Variants in LIPI observed in about 807,000 individuals in gnomAD.
LIPI encodes the protein lipase member I.
Under a neutral mutation model 50.6 loss-of-function variants are expected in LIPI, and 59 were observed. That is an observed-to-expected ratio of 1.16 (90% CI 0.94 to 1.45). The LOEUF (loss-of-function observed/expected upper bound fraction) is 1.45, where lower values mean the gene tolerates loss of function less well. Among genes scored for constraint, LIPI ranks in the 40% most tolerant of loss-of-function variants. LIPI has a pLI of 0.00. For synonymous variants in LIPI, 203 were observed against 178.2 expected (o/e 1.14, Z -1.11); for missense variants, 586 against 536.3 (o/e 1.09, Z -0.92).
At chr21:14,161,032 A>G (rs1380223451) in intron 7 of LIPI, among the ~76,000 whole-genome samples, 2 of 151,350 alleles carry the variant, frequency 1.3e-5, no homozygotes, top group African/African-American at 4.8e-5. Context: ...GGGATAATGT[A>G]AAGTGGTACA....
At position 14,183,717 on chromosome 21, in the gene LIPI, A is replaced by C. The variant is rs566276604; in HGVS notation, c.542-1858T>G. Among the ~76,000 whole-genome samples, 429 of 152,330 alleles carry C rather than the reference A, an allele frequency of 2.8e-3. 3 individuals are homozygous for C. The highest frequency in any genetic ancestry group is 1.0e-2 in the African/African-American group (415 of 41,580). ...AGACACCTATGCAGCCAAAAAACAC[A>C]TGAAAAAATGCTCATCATCACTGGC... On this transcript the variant is annotated intron_variant, in intron 3 of 9. Coordinates refer to ENST00000681601, the MANE Select transcript of LIPI (RefSeq NM_001302998.2).
chr21:14,131,306 G>A (rs1384481940), intron 9 of LIPI, among the ~76,000 whole-genome samples: 4 of 151,916 alleles, frequency 2.6e-5, no homozygotes, highest in African/African-American at 9.7e-5. Flanking sequence ...GCTGTTCTGG[G>A]GCCTAAAAAC....
At chr21:14,114,667 C>A (rs767559342) in intron 9 of LIPI, among the ~76,000 whole-genome samples, 1 of 152,108 alleles carries the variant, frequency 6.6e-6, no homozygotes, top group Non-Finnish European at 1.5e-5. Flanking sequence ...ATAAGGTTGG[C>A]GGTCTTTGGT....
intron 1 of LIPI, among the ~76,000 whole-genome samples, chr21:14,197,333 CTT>C (rs1286387924): frequency 1.3e-5 from 2 of 151,934 alleles, no homozygotes; most frequent in African/African-American, 4.8e-5. Context: ...AATATTCTAA[CTT>C]AGCATTAAGA....
chr21:14,168,325 C>T (rs138747116), intron 4 of LIPI, among the ~76,000 whole-genome samples: 2,322 of 152,200 alleles, frequency 0.015, 54 homozygotes, highest in African/African-American at 0.051. Flanking sequence ...CCCAATCTAG[C>T]GAGGAAGGCC....
intron 2 of LIPI, among the ~76,000 whole-genome samples, chr21:14,187,261 T>C (rs951995000): frequency 1.3e-5 from 2 of 152,180 alleles, no homozygotes; most frequent in South Asian, 4.1e-4. Flanking sequence ...CACCACACTC[T>C]TGGGGAGCTA....
At chr21:14,126,086 A>G (rs2017054243) in intron 9 of LIPI, among the ~76,000 whole-genome samples, 1 of 152,166 alleles carries the variant, frequency 6.6e-6, no homozygotes, top group Admixed American at 6.5e-5. Context: ...TGGAGCTCTT[A>G]CATTTTGCTG....
At chr21:14,121,650 G>A (rs544312030) in intron 9 of LIPI, among the ~76,000 whole-genome samples, 12 of 152,170 alleles carry the variant, frequency 7.9e-5, no homozygotes, top group African/African-American at 2.4e-4. Flanking sequence ...TACCACCCTC[G>A]GGCCCTTATG....
At chr21:14,185,724 A>T (rs1390153736) in intron 3 of LIPI, among the ~76,000 whole-genome samples, 1 of 152,044 alleles carries the variant, frequency 6.6e-6, no homozygotes, top group Non-Finnish European at 1.5e-5. Context: ...CTTAAAAAAA[A>T]CAAAAATTAG....
At chr21:14,122,527 A>G (rs1348000680) in intron 9 of LIPI, among the ~76,000 whole-genome samples, 1 of 152,198 alleles carries the variant, frequency 6.6e-6, no homozygotes, top group African/African-American at 2.4e-5. Context: ...CAGCAACCTA[A>G]TCCAGGAGAA....
At chr21:14,183,233 C>T (rs2019336243) in intron 3 of LIPI, among the ~76,000 whole-genome samples, 1 of 152,104 alleles carries the variant, frequency 6.6e-6, no homozygotes, top group South Asian at 2.1e-4. Context: ...GAAAGGATTC[C>T]CTATTTAATA....
At chr21:14,170,978 C>T (rs981529992) in intron 4 of LIPI, among the ~76,000 whole-genome samples, 70 of 151,738 alleles carry the variant, frequency 4.6e-4, no homozygotes, top group Admixed American at 3.8e-3. Context: ...ATTTTCTCAG[C>T]CCAAAATCTC....
At chr21:14,201,206 G>A (rs1028053121) in intron 1 of LIPI, among the ~76,000 whole-genome samples, 2 of 152,094 alleles carry the variant, frequency 1.3e-5, no homozygotes, top group African/African-American at 4.8e-5. Context: ...CACAGGCTAA[G>A]ATTTCACGAC....
At chr21:14,202,577 T>C (rs937119228) in intron 1 of LIPI, among the ~76,000 whole-genome samples, 38 of 152,166 alleles carry the variant, frequency 2.5e-4, no homozygotes, top group Non-Finnish European at 3.5e-4. Context: ...AAACAAGAAA[T>C]GGGGAAAGGA....
rs1207340951 is a variant in LIPI at position 14,157,897 on chromosome 21, T to C, written c.1007-5213A>G. Among the ~76,000 whole-genome samples the C allele has an allele frequency of 2.0e-5, 3 of 151,854 alleles. No individual in the cohort carries two copies. The South Asian group carries it at 6.2e-4, about 31-fold the overall frequency. ...TGCTATAACTGGTATCGTATCCCTG[T>C]CTCATCACTGTATTTGAGGGGGAGG... is the stretch of plus-strand genomic sequence containing the variant. On this transcript the variant is annotated intron_variant, in intron 7 of 9. Transcript: ENST00000681601.
intron 8 of LIPI, among the ~76,000 whole-genome samples, chr21:14,149,588 G>A (rs1568850415): frequency 6.6e-6 from 1 of 152,120 alleles, no homozygotes. Context: ...CCACCTATGA[G>A]CCTGTAAAAT....
At chr21:14,150,400 C>A (rs960863457) in intron 8 of LIPI, among the ~76,000 whole-genome samples, 3 of 152,166 alleles carry the variant, frequency 2.0e-5, no homozygotes, top group Admixed American at 2.0e-4. Context: ...CTTGATTCTT[C>A]TCTGGGCTCC....
chr21:14,207,205 A>C (rs1252554348), intron 1 of LIPI, among the ~76,000 whole-genome samples: 1 of 152,198 alleles, frequency 6.6e-6, no homozygotes, highest in Non-Finnish European at 1.5e-5. Context: ...AGAATACAAA[A>C]TTATAGCTAG....
intron 9 of LIPI, among the ~76,000 whole-genome samples, chr21:14,111,944 A>G (rs1453651932): frequency 1.3e-5 from 2 of 152,010 alleles, no homozygotes; most frequent in African/African-American, 2.4e-5. Flanking sequence ...TGTGTACCCA[A>G]TCACCCGAAT....
Sources: allele counts gnomAD v4.1 joint callset (sites outside exome capture counted in the v4.1 genomes callset), GRCh38; gene constraint gnomAD v4.1.1; transcripts MANE v1.5; gene names NCBI Gene and HGNC (gene_info 2026-07-23, HGNC 2026-07-21).